Variants in AFF3 observed in about 807,000 individuals in gnomAD.
AFF3 encodes AF4/FMR2 family member 3.
A neutral mutation model predicts 129.7 loss-of-function variants in AFF3; 32 were observed. That is an observed-to-expected ratio of 0.25 (90% CI 0.19 to 0.33). The LOEUF (loss-of-function observed/expected upper bound fraction) is 0.33. Ranked by LOEUF, AFF3 falls within the 10% of genes least tolerant of loss-of-function variation. The probability of loss-of-function intolerance (pLI) is 1.00; values close to 1 mark genes in which losing one functional copy is unlikely to be tolerated. For missense variants in AFF3, 1,373 were observed against 1,592.0 expected, an observed-to-expected ratio of 0.86 and a Z score of 2.34; for synonymous variants, 644 against 635.4, an observed-to-expected ratio of 1.01 and a Z score of -0.20.
intron 4 of AFF3, among the ~76,000 whole-genome samples, chr2:100,044,800 C>T (rs1446377193): frequency 2.0e-5 from 3 of 151,990 alleles, no homozygotes; most frequent in Admixed American, 1.3e-4. Context: ...TACAACAGTA[C>T]TGTCCGTTTA....
chr2:99,864,570 A>G (rs1363649890), intron 7 of AFF3, among the ~76,000 whole-genome samples: 1 of 152,228 alleles, frequency 6.6e-6, no homozygotes, highest in Non-Finnish European at 1.5e-5. Context: ...CCTCATGACC[A>G]GCCATTCAAG....
intron 7 of AFF3, among the ~76,000 whole-genome samples, chr2:99,869,998 T>C (rs1691749560): frequency 6.6e-6 from 1 of 152,196 alleles, no homozygotes; most frequent in Non-Finnish European, 1.5e-5. Flanking sequence ...GCACCTGTGT[T>C]TCCTTAACAT....
chr2:100,027,584 C>G (rs1209818999), intron 4 of AFF3, among the ~76,000 whole-genome samples: 3 of 152,194 alleles, frequency 2.0e-5, no homozygotes, highest in Non-Finnish European at 4.4e-5. Context: ...TATTCATCCC[C>G]CTAACCACAT....
At chr2:99,739,148 T>G (rs1181606235) in intron 10 of AFF3, among the ~76,000 whole-genome samples, 2 of 151,798 alleles carry the variant, frequency 1.3e-5, no homozygotes, top group Non-Finnish European at 2.9e-5. Context: ...TGGCCAGGTG[T>G]TCCCATCACT....
At chr2:99,660,057 G>A (rs1686092381) in intron 12 of AFF3, among the ~76,000 whole-genome samples, 1 of 152,172 alleles carries the variant, frequency 6.6e-6, no homozygotes, top group African/African-American at 2.4e-5. Context: ...GGCTCAGCAG[G>A]TGGATACTGG....
intron 13 of AFF3, among the ~76,000 whole-genome samples, chr2:99,645,483 C>T (rs1442901019): frequency 6.6e-6 from 1 of 152,166 alleles, no homozygotes; most frequent in Non-Finnish European, 1.5e-5. Flanking sequence ...AAAAATTCTA[C>T]TGTCCAGAGT....
chr2:100,134,910 A>G (rs1208688473), intron 1 of AFF3, among the ~76,000 whole-genome samples: 1 of 152,232 alleles, frequency 6.6e-6, no homozygotes, highest in Non-Finnish European at 1.5e-5. Flanking sequence ...AAATGCAGTG[A>G]ACAGGGAGAG....
chr2:100,048,918 T>C (rs544369963), intron 4 of AFF3, among the ~76,000 whole-genome samples: 2 of 152,322 alleles, frequency 1.3e-5, no homozygotes, highest in South Asian at 2.1e-4. Flanking sequence ...CACCTTAATA[T>C]ATAAAAAGCA....
chr2:99,554,179 C>T lies in AFF3; in HGVS notation c.3559+132G>A, dbSNP rs1036329612. 5.4e-4 allele frequency: 510 copies of T among 944,612 alleles called. 3 individuals carry two copies. The highest frequency in any genetic ancestry group is 1.3e-4 in the Non-Finnish European group (78 of 621,828). 58.5% of individuals were successfully genotyped at this position (944,612 alleles called of 1,614,324 possible). ...AACTAGTTAGTGACATGAGAAAATG[C>T]CTGATATAATGTCAAATGAAGAAAG... On this transcript the variant is annotated intron_variant, in intron 24 of 24. Coordinates refer to ENST00000672756, the MANE Select transcript of AFF3 (RefSeq NM_001386135.1).
rs562822524 is a variant in AFF3, at chr2:100,014,954, A to ATTTT, written c.54-6026_54-6023dup. Among the ~76,000 whole-genome samples the ATTTT allele has an allele frequency of 1.4e-3, 166 of 121,636 alleles. 1 individual carries two copies. The highest frequency in any genetic ancestry group is 4.9e-3 in the African/African-American group (152 of 30,802). The allele number at this position is 121,636 out of a possible 152,430, so 79.8% of individuals were successfully genotyped here. Reference sequence around the variant, plus strand: ...ATGTGCCACCACACCCAGCCAGCTAATTTTTTTTTTTTTTTTTTTTTTTGT... The same window carrying ATTTT: ...ATGTGCCACCACACCCAGCCAGCTAATTTTTTTTTTTTTTTTTTTTTTTTTTTGT... On this transcript the variant is annotated intron_variant, in intron 4 of 24. Coordinates refer to ENST00000672756, the MANE Select transcript of AFF3 (RefSeq NM_001386135.1).
chr2:99,868,454 T>C (rs1362661618), intron 7 of AFF3, among the ~76,000 whole-genome samples: 1 of 152,110 alleles, frequency 6.6e-6, no homozygotes, highest in Admixed American at 6.5e-5. Flanking sequence ...TGACAGATTG[T>C]GCCCTGAGGG....
intron 8 of AFF3, among the ~76,000 whole-genome samples, chr2:99,789,375 G>C (rs762579932): frequency 3.6e-5 from 5 of 140,810 alleles, no homozygotes; most frequent in Non-Finnish European, 7.5e-5. Flanking sequence ...TTGAGTTCAA[G>C]AGTTCGAGGC....
At chr2:100,049,941 T>C (rs924102244) in intron 4 of AFF3, among the ~76,000 whole-genome samples, 2 of 152,138 alleles carry the variant, frequency 1.3e-5, no homozygotes, top group African/African-American at 4.8e-5. Flanking sequence ...CGGCCAGGCG[T>C]AGTGGCTCAC....
intron 4 of AFF3, among the ~76,000 whole-genome samples, chr2:100,081,390 G>C (rs1338366867): frequency 6.6e-6 from 1 of 151,566 alleles, no homozygotes; most frequent in Non-Finnish European, 1.5e-5. Context: ...GACAGAAGAG[G>C]ATGCCTCTGG....
chr2:99,697,055 C>T (rs1413124003), intron 11 of AFF3, among the ~76,000 whole-genome samples: 2 of 152,162 alleles, frequency 1.3e-5, no homozygotes, highest in South Asian at 4.1e-4. Flanking sequence ...CTTGTCATAC[C>T]CTGAACGTTT....
At chr2:99,845,101 A>G (rs556296856) in intron 7 of AFF3, among the ~76,000 whole-genome samples, 1 of 152,358 alleles carries the variant, frequency 6.6e-6, no homozygotes, top group Non-Finnish European at 1.5e-5. Context: ...AAATTCTTAG[A>G]ACATCAACAT....
chr2:100,138,013 C>T (rs931502850), intron 1 of AFF3, among the ~76,000 whole-genome samples: 1 of 152,122 alleles, frequency 6.6e-6, no homozygotes, highest in Non-Finnish European at 1.5e-5. Flanking sequence ...CTTTTGTATG[C>T]CTATTTCTGC....
chr2:99,774,556 T>C (rs1322924515), intron 8 of AFF3, among the ~76,000 whole-genome samples: 1 of 152,124 alleles, frequency 6.6e-6, no homozygotes, highest in Non-Finnish European at 1.5e-5. Flanking sequence ...AAACTGAAAC[T>C]GGACCCCTTC....
chr2:99,982,703 A>G (rs551064146), intron 7 of AFF3, among the ~76,000 whole-genome samples: 1 of 152,342 alleles, frequency 6.6e-6, no homozygotes, highest in African/African-American at 2.4e-5. Context: ...GACCCAGGAT[A>G]CTGAATCGAC....
Sources: allele counts gnomAD v4.1 joint callset (sites outside exome capture counted in the v4.1 genomes callset), GRCh38; gene constraint gnomAD v4.1.1; transcripts MANE v1.5; gene names NCBI Gene and HGNC (gene_info 2026-07-23, HGNC 2026-07-21).